Variants in SGCZ observed in about 807,000 individuals in gnomAD.
SGCZ encodes sarcoglycan zeta, also known as zeta-sarcoglycan.
Under a neutral mutation model 41.3 loss-of-function variants are expected in SGCZ, and 40 were observed. The ratio of observed to expected loss-of-function variants is 0.97; its 90% CI spans 0.75 to 1.26. The LOEUF (loss-of-function observed/expected upper bound fraction) is 1.26. SGCZ is among the 50% of genes most tolerant of loss of function. SGCZ has a pLI of 0.00. For missense variants in SGCZ, 552 were observed against 369.8 expected (o/e 1.49, Z -4.04); for synonymous variants, 206 against 137.5 (o/e 1.50, Z -3.49).
intron 3 of SGCZ, among the ~76,000 whole-genome samples, chr8:14,298,716 T>G (rs1434561612): frequency 6.6e-6 from 1 of 152,032 alleles, no homozygotes; most frequent in Admixed American, 6.6e-5. Context: ...ATGTAATATG[T>G]CAATGTATTG....
chr8:15,217,929 T>C (rs1371486729), intron 1 of SGCZ, among the ~76,000 whole-genome samples: 1 of 151,994 alleles, frequency 6.6e-6, no homozygotes, highest in Non-Finnish European at 1.5e-5. Context: ...TCTACTAAAA[T>C]ACAAAAATTT....
intron 1 of SGCZ, among the ~76,000 whole-genome samples, chr8:15,088,345 T>A (rs1384168265): frequency 6.6e-6 from 1 of 152,164 alleles, no homozygotes; most frequent in Admixed American, 6.5e-5. Context: ...AATAAATTAT[T>A]TAATTTTCTA....
chr8:14,558,574 T>TAGAGAGACAGAG (rs1804104122), intron 1 of SGCZ, among the ~76,000 whole-genome samples: 2 of 99,748 alleles, frequency 2.0e-5, no homozygotes, highest in South Asian at 4.5e-4. Flanking sequence ...GAATGACTCT[T>TAGAGAGACAGAG]AGAGAGAGAG....
chr8:14,937,180 T>C (rs749886743), intron 1 of SGCZ, among the ~76,000 whole-genome samples: 12 of 151,840 alleles, frequency 7.9e-5, no homozygotes, highest in Non-Finnish European at 1.8e-4. Flanking sequence ...CAGTAAAAAT[T>C]AGCAATATTA....
rs145317368 is a variant in SGCZ at position 14,463,132 on chromosome 8, G to C, written c.234+91600C>G. Among the ~76,000 whole-genome samples the C allele has an allele frequency of 4.2e-4, 63 of 151,590 alleles. No homozygotes were observed. The East Asian group carries it at 0.012, about 29-fold the overall frequency. On this transcript the variant is annotated intron_variant, in intron 2 of 7. Transcript: ENST00000382080. ...TTTAAGATCATATTATCTGCAAAAA[G>C]ATAATTTTGTTTCTTCCTTTCCAAT... is the stretch of plus-strand genomic sequence containing the variant.
intron 1 of SGCZ, among the ~76,000 whole-genome samples, chr8:14,561,319 G>A (rs1248595529): frequency 6.6e-6 from 1 of 152,028 alleles, no homozygotes; most frequent in East Asian, 1.9e-4. Context: ...TCATTCTAAT[G>A]GAATCTACCA....
At chr8:14,264,818 C>T (rs1799817332) in intron 3 of SGCZ, among the ~76,000 whole-genome samples, 1 of 151,992 alleles carries the variant, frequency 6.6e-6, no homozygotes, top group African/African-American at 2.4e-5. Context: ...AAAAAATTAG[C>T]CGGGCGTGGT....
chr8:14,191,659 G>C (rs1408251826), intron 4 of SGCZ, among the ~76,000 whole-genome samples: 1 of 152,180 alleles, frequency 6.6e-6, no homozygotes, highest in African/African-American at 2.4e-5. Context: ...TTGGTTATAT[G>C]TGCATCTAGA....
chr8:14,572,606 G>A (rs940234176), intron 1 of SGCZ, among the ~76,000 whole-genome samples: 13 of 152,094 alleles, frequency 8.5e-5, no homozygotes, highest in Non-Finnish European at 2.9e-5. Context: ...GACATAGGAG[G>A]AGGCTTTTGA....
chr8:15,007,469 G>T (rs542391967), intron 1 of SGCZ, among the ~76,000 whole-genome samples: 1 of 152,334 alleles, frequency 6.6e-6, no homozygotes, highest in Non-Finnish European at 1.5e-5. Flanking sequence ...GCAACAGAGG[G>T]TAATATTGAA....
intron 2 of SGCZ, among the ~76,000 whole-genome samples, chr8:14,485,877 C>T (rs1321272684): frequency 8.1e-6 from 1 of 124,092 alleles, no homozygotes; most frequent in Non-Finnish European, 1.6e-5. Flanking sequence ...CTCTGTCGCC[C>T]AGGCCGGACT....
chr8:14,449,229 T>C (rs1017386575), intron 2 of SGCZ, among the ~76,000 whole-genome samples: 2 of 152,228 alleles, frequency 1.3e-5, no homozygotes, highest in African/African-American at 2.4e-5. Context: ...TGTTATGCTA[T>C]AGTAATGAAC....
chr8:14,552,053 GTAGATCAATAGTAC>G, intron 2 of SGCZ, among the ~76,000 whole-genome samples: 1 of 152,022 alleles, frequency 6.6e-6, no homozygotes, highest in East Asian at 1.9e-4. Context: ...TACATTTTGT[GTAGATCAATAGTAC>G]TCCCCAAACA....
At chr8:14,095,028 C>G (rs962375745) in intron 7 of SGCZ, among the ~76,000 whole-genome samples, 1 of 151,882 alleles carries the variant, frequency 6.6e-6, no homozygotes, top group African/African-American at 2.4e-5. Context: ...GATATTAGCC[C>G]TTTGTCAGAT....
chr8:15,020,844 T>A (rs1210741366), intron 1 of SGCZ, among the ~76,000 whole-genome samples: 1 of 152,214 alleles, frequency 6.6e-6, no homozygotes, highest in Non-Finnish European at 1.5e-5. Flanking sequence ...CTTCACATAG[T>A]CATTCTGTCA....
chr8:14,614,698 G>A (rs1027899639), intron 1 of SGCZ, among the ~76,000 whole-genome samples: 2 of 152,014 alleles, frequency 1.3e-5, no homozygotes, highest in African/African-American at 4.8e-5. Flanking sequence ...TGACTACAGA[G>A]GGAAAATGTG....
chr8:14,473,098 C>A (rs1016074187), intron 2 of SGCZ, among the ~76,000 whole-genome samples: 1 of 152,028 alleles, frequency 6.6e-6, no homozygotes, highest in African/African-American at 2.4e-5. Context: ...AAATAACTAA[C>A]TGGGTCACTG....
chr8:14,818,540 G>T (rs996611881), intron 1 of SGCZ, among the ~76,000 whole-genome samples: 7 of 152,068 alleles, frequency 4.6e-5, no homozygotes, highest in African/African-American at 1.7e-4. Context: ...AAGGAAACAT[G>T]ATGGCTTCAA....
At chr8:14,598,436 T>C (rs1054599228) in intron 1 of SGCZ, among the ~76,000 whole-genome samples, 2 of 152,138 alleles carry the variant, frequency 1.3e-5, no homozygotes, top group Non-Finnish European at 2.9e-5. Flanking sequence ...GGAAAAATTT[T>C]GTTTGTGTGT....
Sources: allele counts gnomAD v4.1 joint callset (sites outside exome capture counted in the v4.1 genomes callset), GRCh38; gene constraint gnomAD v4.1.1; transcripts MANE v1.5; gene names NCBI Gene and HGNC (gene_info 2026-07-23, HGNC 2026-07-21).